The following DNAH6 variants were observed in gnomAD, a reference collection of about 807,000 sequenced individuals.
DNAH6 encodes dynein axonemal heavy chain 6.
DNAH6 carries 340 observed loss-of-function variants against 491.4 expected under a neutral mutation model. The ratio of observed to expected loss-of-function variants is 0.69; its 90% confidence interval spans 0.63 to 0.76. DNAH6 has a LOEUF of 0.76. Among genes scored for constraint, DNAH6 ranks in the 30% least tolerant of loss-of-function variants. DNAH6 has a pLI of 0.00. For synonymous variants in DNAH6, 1,603 were observed against 1,686.1 expected, an observed-to-expected ratio of 0.95 and a Z score of 1.21; for missense variants, 4,443 against 4,972.2, an observed-to-expected ratio of 0.89 and a Z score of 3.20.
intron 59 of DNAH6, among the ~76,000 whole-genome samples, chr2:84,721,737 T>C (rs1698184171): frequency 6.6e-6 from 1 of 152,218 alleles, no homozygotes; most frequent in African/African-American, 2.4e-5. Context: ...TATATTTCCA[T>C]TGGAAAGCAC....
chr2:84,681,390 C>T lies in DNAH6; in HGVS notation c.6778C>T (p.Pro2260Ser), dbSNP rs1420340470. Residue 2260 changes from proline (P) to serine (S), a missense_variant, in exon 42 of 77, where the codon CCA becomes TCA. Around this residue, in one of 3 missense-constraint regions of DNAH6, gnomAD observed 2,977 missense variants for 3,296.6 expected, o/e 0.90. Coordinates refer to ENST00000389394, the MANE Select transcript of DNAH6 (RefSeq NM_001370.2). ...AAATGGTTTCCTGAGTGACTTTCCACCAGCTGTAAAGCAAACTGCATCAAG... is the reference window on the plus strand; with the variant it reads ...AAATGGTTTCCTGAGTGACTTTCCATCAGCTGTAAAGCAAACTGCATCAAG... Reference protein sequence around the residue: ...ILNGFLSDFPPAVKQTASSIV... With the variant: ...ILNGFLSDFPSAVKQTASSIV... 1 of 1,550,076 alleles carries T rather than the reference C, an allele frequency of 6.5e-7. No individual in the cohort carries two copies. Among genetic ancestry groups the T allele is most frequent in the Non-Finnish European group, 8.7e-7 (1 of 1,146,242 alleles).
intron 69 of DNAH6, among the ~76,000 whole-genome samples, chr2:84,797,050 C>T (rs1045864875): frequency 7.1e-6 from 1 of 141,844 alleles, no homozygotes; most frequent in Non-Finnish European, 1.5e-5. Context: ...CATAGAGCAT[C>T]AGTCAGAGCT....
chr2:84,571,757 CAA>C (rs34657775), intron 11 of DNAH6, among the ~76,000 whole-genome samples: 40 of 103,996 alleles, frequency 3.8e-4, no homozygotes, highest in African/African-American at 8.6e-4. Flanking sequence ...ACTAAAATTA[CAA>C]AAAAAAAAAA....
intron 4 of DNAH6, among the ~76,000 whole-genome samples, chr2:84,533,555 A>T (rs145717929): frequency 1.6e-4 from 24 of 152,214 alleles, no homozygotes; most frequent in African/African-American, 5.5e-4. Context: ...GTACCTTAGG[A>T]CGGATTTGGC....
At chr2:84,811,856 T>C (rs1680007953) in intron 72 of DNAH6, among the ~76,000 whole-genome samples, 1 of 136,456 alleles carries the variant, frequency 7.3e-6, no homozygotes, top group Admixed American at 7.2e-5. Context: ...CAAGATTCTG[T>C]CTCAAAAAAA....
chr2:84,643,302 T>G (rs1689597613), intron 33 of DNAH6, among the ~76,000 whole-genome samples: 1 of 151,996 alleles, frequency 6.6e-6, no homozygotes, highest in Admixed American at 6.5e-5. Context: ...TCTATATTTT[T>G]TCTTTATCTT....
Position 84,707,516 on chromosome 2 carries a change from C to G in DNAH6, c.8852-4C>G. 1 of 1,531,194 alleles carries G rather than the reference C, an allele frequency of 6.5e-7. No homozygotes were observed. The highest frequency in any genetic ancestry group is 8.8e-7 in the Non-Finnish European group (1 of 1,140,224). The allele number at this position is 1,531,194 out of a possible 1,614,324, so 94.9% of individuals were successfully genotyped here. Reference sequence around the variant, plus strand: ...ATAATCTGATTTTCTTAAAATTTTTCTAGCAAAGACCATGGCCCTGACAAA... The same window carrying G: ...ATAATCTGATTTTCTTAAAATTTTTGTAGCAAAGACCATGGCCCTGACAAA... On this transcript the variant is annotated splice_region_variant and splice_polypyrimidine_tract_variant and intron_variant, in intron 53 of 76. Coordinates refer to ENST00000389394, the MANE Select transcript of DNAH6 (RefSeq NM_001370.2).
chr2:84,795,755 G>A (rs1678282810), intron 68 of DNAH6, among the ~76,000 whole-genome samples: 1 of 152,156 alleles, frequency 6.6e-6, no homozygotes, highest in South Asian at 2.1e-4. Flanking sequence ...GCTTCTCTGT[G>A]GAAAGAGAGA....
In DNAH6 at chr2:84,786,096, AAG is replaced by A. The variant is rs1491196042; in HGVS notation, c.11100+342_11100+343del. Among the ~76,000 whole-genome samples the A allele has an allele frequency of 5.8e-4, 84 of 144,750 alleles. 1 individual carries two copies. Among genetic ancestry groups the A allele is most frequent in the African/African-American group, 2.2e-3 (83 of 38,316 alleles). The allele number at this position is 144,750 out of a possible 152,430, so 95.0% of individuals were successfully genotyped here. A position where few individuals can be genotyped will look rare whatever the true frequency, so the allele number is the denominator to read the frequency against. On this transcript the variant is annotated intron_variant, in intron 67 of 76. Transcript: ENST00000389394. ...TTCAAACGTGTGTGGTCTACAGAGA[AAG>A]AAAGAATGAATGAATGAATGAATGA...
intron 18 of DNAH6, among the ~76,000 whole-genome samples, chr2:84,597,471 G>T (rs955072837): frequency 6.6e-6 from 1 of 152,320 alleles, no homozygotes; most frequent in South Asian, 2.1e-4. Flanking sequence ...GTGTTGTAGG[G>T]AATATGCAGA....
In DNAH6 at chr2:84,635,338, G is replaced by A. The variant is rs116427832; in HGVS notation, c.4653+697G>A. ...TTATTTCATCTTACACCAAATCTAC[G>A]TGAAGTATATGTCATTTCCCCCAAG... On this transcript the variant is annotated intron_variant, in intron 30 of 76. Transcript: ENST00000389394. Among the ~76,000 whole-genome samples the A allele has an allele frequency of 5.3e-3, 800 of 152,214 alleles. 8 individuals are homozygous for A. The highest frequency in any genetic ancestry group is 0.018 in the African/African-American group (754 of 41,514).
intron 42 of DNAH6, among the ~76,000 whole-genome samples, chr2:84,681,742 G>GAAA (rs34477648): frequency 1.5e-5 from 2 of 132,588 alleles, no homozygotes; most frequent in African/African-American, 5.4e-5. Flanking sequence ...GTCTTTCACT[G>GAAA]AAAAAAAAAA....
chr2:84,787,854 A>G (rs930980565), intron 68 of DNAH6, among the ~76,000 whole-genome samples: 1 of 152,206 alleles, frequency 6.6e-6, no homozygotes, highest in African/African-American at 2.4e-5. Context: ...CTGTGACTAC[A>G]TAGGGATCTT....
At chr2:84,470,138 C>A in the DNAH6 span, among the ~76,000 whole-genome samples, 1 of 152,106 alleles carries the variant, frequency 6.6e-6, no homozygotes, top group African/African-American at 2.4e-5. Context: ...TCAGTATCAT[C>A]CCTTCTGTGG....
At chr2:84,726,788 T>A (rs1012991407) in intron 60 of DNAH6, among the ~76,000 whole-genome samples, 3 of 140,602 alleles carry the variant, frequency 2.1e-5, no homozygotes, top group Non-Finnish European at 3.1e-5. Context: ...ATAAAAAAAA[T>A]AAAATAAAAA....
chr2:84,612,605 C>G (rs796164036), intron 22 of DNAH6, among the ~76,000 whole-genome samples: 3 of 152,252 alleles, frequency 2.0e-5, no homozygotes, highest in African/African-American at 7.2e-5. Context: ...TTCTTTGGGT[C>G]TTTTCGAGGC....
Position 84,694,299 on chromosome 2 carries a change from T to C in DNAH6, c.7343T>C (p.Val2448Ala), listed in dbSNP as rs770166137. 1.1e-5 allele frequency: 17 copies of C among 1,552,030 alleles called. No homozygotes were observed. The South Asian group carries it at 1.7e-4, about 15-fold the overall frequency. ...QERGNALLVG[V>A]GGTGKQSLTR... is the part of the protein sequence containing the mutation. ...AGAGGCAATGCCCTGCTTGTTGGAG[T>C]AGGAGGCACAGGAAAGCAGTCACTC... is the stretch of plus-strand genomic sequence containing the variant. Residue 2448 changes from valine to alanine, a missense_variant, in exon 46 of 77, where the codon GTA (valine) becomes GCA (alanine). Physicochemically the swap from Val to Ala is moderately conservative, Grantham distance 64. Transcript: ENST00000389394.
intron 4 of DNAH6, among the ~76,000 whole-genome samples, chr2:84,540,069 C>T (rs1013490174): frequency 1.3e-5 from 2 of 152,074 alleles, no homozygotes; most frequent in African/African-American, 4.8e-5. Context: ...TGAAAATAGA[C>T]CACTTAGAGT....
chr2:84,654,829 A>G (rs145714897), intron 35 of DNAH6, 47 bp downstream of exon 35: 5 of 1,544,118 alleles, frequency 3.2e-6, no homozygotes, highest in Non-Finnish European at 4.4e-6. Flanking sequence ...GTCAGGACTC[A>G]TGTTGCCTTC....
Sources: allele counts gnomAD v4.1 joint callset (sites outside exome capture counted in the v4.1 genomes callset), GRCh38; gene constraint gnomAD v4.1.1; regional missense constraint gnomAD v4.1.1; transcripts MANE v1.5; gene names NCBI Gene and HGNC (gene_info 2026-07-23, HGNC 2026-07-21).